Variants in EYS observed in about 807,000 individuals in gnomAD.
EYS encodes the protein protein eyes shut homolog.
Under a neutral mutation model 282.1 loss-of-function variants are expected in EYS, and 250 were observed. That is an observed-to-expected ratio of 0.89 (90% confidence interval 0.80 to 0.98). EYS has a LOEUF of 0.98. EYS is among the 50% of genes least tolerant of loss of function. The pLI, the probability that EYS is intolerant of heterozygous loss-of-function variation, is 0.00. For synonymous variants in EYS, 1,355 were observed against 1,282.9 expected, an observed-to-expected ratio of 1.06 and a Z score of -1.20; for missense variants, 4,016 against 3,709.0, an observed-to-expected ratio of 1.08 and a Z score of -2.15.
At chr6:65,133,564 G>C (rs1775940621) in intron 12 of EYS, among the ~76,000 whole-genome samples, 1 of 152,016 alleles carries the variant, frequency 6.6e-6, no homozygotes, top group South Asian at 2.1e-4. Context: ...TAACTAGCTA[G>C]CTATATGCAA....
chr6:63,841,761 C>T (rs544850998), intron 36 of EYS, among the ~76,000 whole-genome samples: 3 of 152,182 alleles, frequency 2.0e-5, no homozygotes, highest in Admixed American at 6.5e-5. Context: ...CCTCCCTTTG[C>T]CCCCCGCCAC....
chr6:64,386,258 C>G (rs1772905047), intron 29 of EYS, among the ~76,000 whole-genome samples: 1 of 152,174 alleles, frequency 6.6e-6, no homozygotes, highest in Non-Finnish European at 1.5e-5. Flanking sequence ...AGTCTGTTCT[C>G]ACATTGCTAA....
intron 14 of EYS, among the ~76,000 whole-genome samples, chr6:64,954,608 A>G (rs1769627386): frequency 6.6e-6 from 1 of 152,168 alleles, no homozygotes; most frequent in Non-Finnish European, 1.5e-5. Flanking sequence ...ATAATAATGC[A>G]AGTACACCAT....
At chr6:64,547,115 C>G (rs548252122) in intron 26 of EYS, among the ~76,000 whole-genome samples, 1 of 152,170 alleles carries the variant, frequency 6.6e-6, no homozygotes, top group South Asian at 2.1e-4. Flanking sequence ...AGCTGCAGAC[C>G]TTTGCGGTGA....
chr6:64,945,866 G>C lies in EYS; in HGVS notation c.2308C>G (p.Gln770Glu), dbSNP rs992863438. Residue 770 changes from glutamine to glutamate, a missense_variant, in exon 15 of 43, where the codon CAA becomes GAA. Physicochemically the swap from Gln to Glu is conservative, Grantham distance 29. Coordinates refer to ENST00000503581, the MANE Select transcript of EYS (RefSeq NM_001142800.2). ...TTCATTTTACACTCATTGGATTCTTGTTCACAAAAATTTCCTTCCCAATCA... is the reference window on the plus strand; with the variant it reads ...TTCATTTTACACTCATTGGATTCTTCTTCACAAAAATTTCCTTCCCAATCA... The part of the protein sequence containing the change: ...LSDWEGNFCE[Q>E]ESNECKMNPC... 1.9e-6 allele frequency: 3 copies of C among 1,548,774 alleles called. No homozygotes were observed. In the African/African-American group the frequency reaches 4.1e-5, roughly 21 times the overall value.
chr6:64,035,303 T>A (rs1238971627), intron 33 of EYS, among the ~76,000 whole-genome samples: 1 of 152,246 alleles, frequency 6.6e-6, no homozygotes, highest in Non-Finnish European at 1.5e-5. Flanking sequence ...ATTAGAATAA[T>A]TACAACAACC....
At chr6:65,301,172 A>T (rs1768810929) in intron 11 of EYS, among the ~76,000 whole-genome samples, 1 of 152,122 alleles carries the variant, frequency 6.6e-6, no homozygotes, top group South Asian at 2.1e-4. Flanking sequence ...TTTTGTTAGG[A>T]TGTTAGACAC....
chr6:64,360,052 G>A (rs1771954572), intron 29 of EYS, among the ~76,000 whole-genome samples: 1 of 151,650 alleles, frequency 6.6e-6, no homozygotes, highest in East Asian at 2.0e-4. Flanking sequence ...TCTCTGAATA[G>A]GGGTCAAAAG....
At chr6:64,248,649 C>T (rs1203586119) in intron 30 of EYS, among the ~76,000 whole-genome samples, 2 of 152,116 alleles carry the variant, frequency 1.3e-5, no homozygotes, top group South Asian at 2.1e-4. Flanking sequence ...GTAAATTGTA[C>T]AGCTTCTATG....
At chr6:65,532,500 C>G (rs1022645899) in intron 2 of EYS, among the ~76,000 whole-genome samples, 7 of 152,136 alleles carry the variant, frequency 4.6e-5, no homozygotes, top group Non-Finnish European at 1.0e-4. Context: ...ATTACAGCTA[C>G]AGTCCCTGAT....
Position 64,055,355 on chromosome 6 carries a change from T to C in EYS, c.6725+10983A>G, listed in dbSNP as rs547680886. 2.6e-5 allele frequency among the ~76,000 whole-genome samples: 4 copies of C among 152,310 alleles called. No individual in the cohort carries two copies. In the South Asian group the frequency reaches 6.2e-4, roughly 24 times the overall value. On this transcript the variant is annotated intron_variant, in intron 33 of 42. Coordinates refer to ENST00000503581, the MANE Select transcript of EYS (RefSeq NM_001142800.2). ...ATACTTTCGTTTGAGGGATACTTGA[T>C]GTTTTTTAAAGCACTTTCGTATACA...
chr6:65,447,768 A>C (rs1003114338), intron 5 of EYS, among the ~76,000 whole-genome samples: 1 of 152,064 alleles, frequency 6.6e-6, no homozygotes, highest in African/African-American at 2.4e-5. Context: ...AGAGAGATAA[A>C]TAACTAATGA....
At chr6:65,538,663 AC>A in intron 2 of EYS, among the ~76,000 whole-genome samples, 1 of 152,276 alleles carries the variant, frequency 6.6e-6, no homozygotes, top group South Asian at 2.1e-4. Flanking sequence ...TAATATAATG[AC>A]CCATTTATCC....
intron 35 of EYS, among the ~76,000 whole-genome samples, chr6:63,983,117 G>A (rs543602712): frequency 4.5e-4 from 68 of 151,830 alleles, no homozygotes; most frequent in African/African-American, 1.5e-3. Flanking sequence ...AGGAGATAAC[G>A]TTCACTCTTA....
At chr6:64,647,703 C>A (rs1040070921) in intron 22 of EYS, among the ~76,000 whole-genome samples, 28 of 151,962 alleles carry the variant, frequency 1.8e-4, no homozygotes, top group Non-Finnish European at 5.9e-5. Flanking sequence ...TATTAAAACT[C>A]AGTTAAATAA....
chr6:63,822,587 C>A (rs920074598), intron 36 of EYS: 1 of 152,282 alleles, frequency 6.6e-6, no homozygotes, highest in East Asian at 1.9e-4. Flanking sequence ...GAATGGAAGA[C>A]AAAGTAAAGT....
At chr6:64,504,106 A>AT (rs1386993430) in intron 26 of EYS, among the ~76,000 whole-genome samples, 1 of 152,200 alleles carries the variant, frequency 6.6e-6, no homozygotes, top group Non-Finnish European at 1.5e-5. Flanking sequence ...GTAGTTCCCT[A>AT]TAACAGTGTG....
intron 13 of EYS, among the ~76,000 whole-genome samples, chr6:65,006,204 A>T (rs1358015363): frequency 6.6e-6 from 1 of 152,056 alleles, no homozygotes; most frequent in African/African-American, 2.4e-5. Flanking sequence ...AGAGAGACGG[A>T]GAGAGAGACA....
intron 11 of EYS, among the ~76,000 whole-genome samples, chr6:65,306,209 C>G (rs549166817): frequency 2.0e-5 from 3 of 152,316 alleles, no homozygotes; most frequent in African/African-American, 7.2e-5. Flanking sequence ...CCCCACCTGT[C>G]ATGTTGGCTC....
Sources: allele counts gnomAD v4.1 joint callset (sites outside exome capture counted in the v4.1 genomes callset), GRCh38; gene constraint gnomAD v4.1.1; transcripts MANE v1.5; gene names NCBI Gene and HGNC (gene_info 2026-07-23, HGNC 2026-07-21).